Variants in CFH observed in about 807,000 individuals in gnomAD.
CFH encodes H factor 1 (complement).
A neutral mutation model predicts 147.3 loss-of-function variants in CFH; 53 were observed. The ratio of observed to expected loss-of-function variants is 0.36; its 90% CI spans 0.29 to 0.45. CFH has a LOEUF of 0.45. Ranked by LOEUF, CFH falls within the 20% of genes least tolerant of loss-of-function variation. The pLI is 1.00. For synonymous variants in CFH, 536 were observed against 489.4 expected, an observed-to-expected ratio of 1.10 and a Z score of -1.26; for missense variants, 1,380 against 1,498.0, an observed-to-expected ratio of 0.92 and a Z score of 1.30.
At chr1:196,676,543 T>C (rs1219922029) in intron 4 of CFH, among the ~76,000 whole-genome samples, 1 of 152,092 alleles carries the variant, frequency 6.6e-6, no homozygotes, top group Non-Finnish European at 1.5e-5. Context: ...GCGAGCTCTG[T>C]TATTTCTCAC....
At chr1:196,727,471 T>G (rs948216904) in intron 14 of CFH, among the ~76,000 whole-genome samples, 4 of 152,132 alleles carry the variant, frequency 2.6e-5, no homozygotes, top group African/African-American at 7.2e-5. Flanking sequence ...CATTCCAGCC[T>G]GGGCAACAGA....
intron 11 of CFH, among the ~76,000 whole-genome samples, chr1:196,719,203 T>C (rs1411164909): frequency 6.6e-6 from 1 of 152,026 alleles, no homozygotes; most frequent in Non-Finnish European, 1.5e-5. Context: ...CTAAATCACG[T>C]TTTGTAAGTT....
At chr1:196,699,207 C>G (rs1253107656) in intron 9 of CFH, among the ~76,000 whole-genome samples, 1 of 146,036 alleles carries the variant, frequency 6.8e-6, no homozygotes, top group Non-Finnish European at 1.5e-5. Flanking sequence ...GTTTCGCAAC[C>G]TTGCCAGCCT....
At position 196,687,108 on chromosome 1, in the gene CFH, C is replaced by A. The variant is rs542003659; in HGVS notation, c.964+1871C>A. On this transcript the variant is annotated intron_variant, in intron 7 of 21. Coordinates refer to ENST00000367429, the MANE Select transcript of CFH (RefSeq NM_000186.4). ...AAGATGAAATTTAACAATGTTGACT[C>A]TAAGATCCTGGACTTGGGTCAAATA... 2.0e-5 allele frequency among the ~76,000 whole-genome samples: 3 copies of A among 152,154 alleles called. No homozygotes were observed. The South Asian group carries it at 6.2e-4, about 32-fold the overall frequency.
chr1:196,731,708 T>TC (rs2149110675), intron 15 of CFH, among the ~76,000 whole-genome samples: 1 of 152,112 alleles, frequency 6.6e-6, no homozygotes, highest in African/African-American at 2.4e-5. Flanking sequence ...CAGCTTTTTT[T>TC]CAATCTCAGA....
At chr1:196,702,155 A>AC (rs971394320) in intron 9 of CFH, among the ~76,000 whole-genome samples, 2 of 151,824 alleles carry the variant, frequency 1.3e-5, no homozygotes, top group African/African-American at 2.4e-5. Flanking sequence ...CCTATGACTC[A>AC]CCCCCCTCCA....
intron 15 of CFH, among the ~76,000 whole-genome samples, chr1:196,734,727 A>C (rs572886816): frequency 6.6e-6 from 1 of 152,186 alleles, no homozygotes; most frequent in East Asian, 1.9e-4. Context: ...TTTCATCCTC[A>C]ATATTGATCA....
intron 12 of CFH, among the ~76,000 whole-genome samples, chr1:196,725,543 C>A (rs1669115466): frequency 6.6e-6 from 1 of 152,146 alleles, no homozygotes; most frequent in African/African-American, 2.4e-5. Flanking sequence ...TCTTAGTCTA[C>A]TTTAGGTTTA....
intron 7 of CFH, among the ~76,000 whole-genome samples, chr1:196,686,187 A>G (rs972445538): frequency 6.6e-6 from 1 of 152,160 alleles, no homozygotes; most frequent in African/African-American, 2.4e-5. Flanking sequence ...TGGGAATTAC[A>G]ATTCAACATG....
At position 196,737,527 on chromosome 1, in the gene CFH, A is replaced by G; in HGVS notation, c.2649A>G (p.Ser883=). Residue 883 remains serine (S), a synonymous_variant, in exon 17 of 22, where the codon TCA becomes TCG. Coordinates refer to ENST00000367429, the MANE Select transcript of CFH (RefSeq NM_000186.4). ...PPQIEHGTIN[S]SRSSQESYAH... ...AGATAGAACACGGAACCATTAATTC[A>G]TCCAGGTCTTCACAAGAAAGTTATG... 6.2e-7 allele frequency: 1 copy of G among 1,613,390 alleles called. No homozygotes were observed. The highest frequency in any genetic ancestry group is 8.5e-7 in the Non-Finnish European group (1 of 1,179,544).
intron 10 of CFH, 152 bp from the exon 11 acceptor site, chr1:196,715,441 C>A (rs1312400193): frequency 6.3e-6 from 4 of 630,056 alleles, no homozygotes; most frequent in Non-Finnish European, 1.1e-5. Flanking sequence ...TATTTTACGA[C>A]AACAAATTCT....
chr1:196,677,889 G>A, intron 5 of CFH: 1 of 504,508 alleles, frequency 2.0e-6, no homozygotes, highest in Non-Finnish European at 3.6e-6. Context: ...ATTTTATAAT[G>A]GAAGAGACTG....
chr1:196,698,388 G>T (rs1382797974), intron 9 of CFH, among the ~76,000 whole-genome samples: 2 of 151,818 alleles, frequency 1.3e-5, no homozygotes, highest in Non-Finnish European at 2.9e-5. Flanking sequence ...GATAAAGAGG[G>T]TATCACCACT....
chr1:196,719,697 G>T (rs1392138573), intron 11 of CFH, among the ~76,000 whole-genome samples: 5 of 151,420 alleles, frequency 3.3e-5, no homozygotes, highest in Non-Finnish European at 7.4e-5. Context: ...TAATGTTGCT[G>T]ATTTTTAAAA....
In CFH at chr1:196,652,154, T is replaced by C; in HGVS notation, c.37T>C (p.Trp13Arg). The change falls in exon 1 of 22, where the codon TGG (tryptophan) becomes CGG (arginine). Residue 13 changes from tryptophan to arginine, a missense_variant. Trp to Arg is a moderately radical substitution (Grantham distance 101). Around this residue, in one of 4 missense-constraint regions of CFH, gnomAD observed 260 missense variants for 263.3 expected, o/e 0.99. Transcript: ENST00000367429. ...AGCAAAGATTATTTGCCTTATGTTA[T>C]GGGCTATTTGTGTAGCAGAAGGTAA... Reference protein sequence around the residue: ...LLAKIICLMLWAICVAEDCNE... With the variant: ...LLAKIICLMLRAICVAEDCNE... 4 of 1,612,116 alleles carry C rather than the reference T, an allele frequency of 2.5e-6. No homozygotes were observed. Among genetic ancestry groups the C allele is most frequent in the Non-Finnish European group, 3.4e-6 (4 of 1,178,250 alleles).
At chr1:196,746,790 G>T (rs1653024761) in intron 21 of CFH, among the ~76,000 whole-genome samples, 1 of 152,144 alleles carries the variant, frequency 6.6e-6, no homozygotes, top group Non-Finnish European at 1.5e-5. Context: ...ATAGCTGAAA[G>T]TTTGTACTCT....
intron 6 of CFH, among the ~76,000 whole-genome samples, chr1:196,683,913 A>T (rs1667738930): frequency 1.3e-5 from 2 of 151,824 alleles, no homozygotes; most frequent in African/African-American, 4.8e-5. Flanking sequence ...CAAATAGTAA[A>T]TAAATTGGGG....
rs749200727 is a variant in CFH, at chr1:196,737,678, A to C, written c.2782+18A>C. On this transcript the variant is annotated intron_variant, in intron 17 of 21. Coordinates refer to ENST00000367429, the MANE Select transcript of CFH (RefSeq NM_000186.4). ...GTGTGAAGGTTAGGCCAATATGAAT[A>C]CTCAATTTCTGTTTATAGTAGAATT... 9 of 1,603,594 alleles carry C rather than the reference A, an allele frequency of 5.6e-6. No homozygotes were observed. In the South Asian group the frequency reaches 8.8e-5, roughly 16 times the overall value.
intron 15 of CFH, among the ~76,000 whole-genome samples, chr1:196,735,306 A>G (rs2149112375): frequency 6.6e-6 from 1 of 152,214 alleles, no homozygotes; most frequent in African/African-American, 2.4e-5. Context: ...ATACTGGGAA[A>G]ATTTCAATAT....
Sources: gnomAD v4.1 joint callset for allele counts (sites outside exome capture counted in the v4.1 genomes callset) on GRCh38, gnomAD v4.1.1 for gene constraint, gnomAD v4.1.1 regional missense constraint, MANE v1.5 for transcripts, NCBI Gene and HGNC (gene_info 2026-07-23, HGNC 2026-07-21) for gene names.